The following MYO18B variants were observed in gnomAD, a reference collection of about 807,000 sequenced individuals.
MYO18B encodes unconventional myosin-XVIIIb.
In MYO18B, 204 loss-of-function variants were observed where a neutral mutation model predicts 273.0. That is an observed-to-expected ratio of 0.75 (90% CI 0.67 to 0.84). The LOEUF is 0.84. Among genes scored for constraint, MYO18B ranks in the 40% least tolerant of loss-of-function variants. MYO18B has a pLI of 0.00. For synonymous variants in MYO18B, 1,330 were observed against 1,305.7 expected (o/e 1.02, Z -0.40); for missense variants, 3,212 against 3,287.6 (o/e 0.98, Z 0.56).
At chr22:26,050,040 A>G in the MYO18B span, among the ~76,000 whole-genome samples, 1 of 152,232 alleles carries the variant, frequency 6.6e-6, no homozygotes, top group East Asian at 1.9e-4. Context: ...CTTACAAGCA[A>G]TGCCCTCAGA....
intron 39 of MYO18B, among the ~76,000 whole-genome samples, chr22:25,981,567 C>T (rs1332790693): frequency 6.6e-6 from 1 of 152,104 alleles, no homozygotes; most frequent in Non-Finnish European, 1.5e-5. Context: ...CAGTAAGACC[C>T]CATCTCTACA....
intron 42 of MYO18B, among the ~76,000 whole-genome samples, chr22:26,006,776 A>G (rs1934456645): frequency 6.6e-6 from 1 of 152,180 alleles, no homozygotes; most frequent in Admixed American, 6.5e-5. Flanking sequence ...GTGATGCACA[A>G]GCCACTCTTT....
chr22:25,758,317 GTT>G (rs133870), intron 1 of MYO18B, among the ~76,000 whole-genome samples: 9 of 140,962 alleles, frequency 6.4e-5, no homozygotes, highest in Admixed American at 7.1e-5. Flanking sequence ...TGGCAGGAAA[GTT>G]TTTTTTTTTT....
At chr22:25,944,741 A>C (rs1204448604) in intron 34 of MYO18B, among the ~76,000 whole-genome samples, 1 of 151,650 alleles carries the variant, frequency 6.6e-6, no homozygotes, top group Admixed American at 6.6e-5. Flanking sequence ...CAGCTACTCC[A>C]GAGGCTGAGG....
chr22:25,928,265 G>C (rs1051886357), intron 34 of MYO18B, among the ~76,000 whole-genome samples: 1 of 152,046 alleles, frequency 6.6e-6, no homozygotes. Flanking sequence ...TGGCCAGAAC[G>C]GCTTGTAAAA....
At chr22:25,853,666 T>C (rs1303858134) in intron 21 of MYO18B, among the ~76,000 whole-genome samples, 1 of 152,030 alleles carries the variant, frequency 6.6e-6, no homozygotes, top group Non-Finnish European at 1.5e-5. Context: ...GTGGGGGAGT[T>C]TTTTTGTGGA....
chr22:25,924,510 C>T (rs949167944), intron 34 of MYO18B, among the ~76,000 whole-genome samples: 1 of 152,104 alleles, frequency 6.6e-6, no homozygotes, highest in Non-Finnish European at 1.5e-5. Flanking sequence ...TCATCCCACA[C>T]CTTAATTTGA....
chr22:25,994,044 G>A (rs1047394131), intron 40 of MYO18B, among the ~76,000 whole-genome samples: 3 of 152,140 alleles, frequency 2.0e-5, no homozygotes, highest in African/African-American at 7.2e-5. Context: ...ATTTTAGAAT[G>A]CGCATAACCT....
At chr22:25,859,209 T>A (rs1006955278) in intron 21 of MYO18B, among the ~76,000 whole-genome samples, 2 of 150,164 alleles carry the variant, frequency 1.3e-5, no homozygotes, top group African/African-American at 4.8e-5. Flanking sequence ...CTCAAATAAT[T>A]GTTAAGATAA....
chr22:25,918,015 ACCC>A (rs2092288614), intron 33 of MYO18B, among the ~76,000 whole-genome samples: 1 of 152,224 alleles, frequency 6.6e-6, no homozygotes, highest in African/African-American at 2.4e-5. Flanking sequence ...GCAAGTTAGT[ACCC>A]TAGGCGGATT....
At chr22:25,961,106 C>T (rs2092913638) in intron 39 of MYO18B, among the ~76,000 whole-genome samples, 1 of 151,704 alleles carries the variant, frequency 6.6e-6, no homozygotes, top group African/African-American at 2.4e-5. Flanking sequence ...ACCTGTAGAC[C>T]CAGCTACTCA....
chr22:26,062,076 G>C, the MYO18B span, among the ~76,000 whole-genome samples: 1 of 152,168 alleles, frequency 6.6e-6, no homozygotes, highest in African/African-American at 2.4e-5. Flanking sequence ...ATGGGGCTTA[G>C]GATCCATGAA....
the MYO18B span, among the ~76,000 whole-genome samples, chr22:26,056,927 C>T: frequency 9.7e-4 from 147 of 152,176 alleles, no homozygotes; most frequent in Non-Finnish European, 1.8e-3. Flanking sequence ...GTAATTGGCC[C>T]GACAGGGGAC....
chr22:25,950,445 G>C lies in MYO18B; in HGVS notation c.5827G>C (p.Glu1943Gln). The change falls in exon 37 of 44, where the codon GAA (glutamate) becomes CAA (glutamine). Residue 1943 changes from glutamate to glutamine, a missense_variant. Coordinates refer to ENST00000335473, the MANE Select transcript of MYO18B (RefSeq NM_032608.7). ...EAKKEKHKLQ[E>Q]QLQVAQMRIE... ...CAAGAAGGAGAAGCACAAGCTACAA[G>C]AACAAGTATGTGCTCAGAGCCATCC... The C allele has an allele frequency of 6.2e-7, 1 of 1,600,950 alleles. No individual in the cohort carries two copies. The highest frequency in any genetic ancestry group is 8.5e-7 in the Non-Finnish European group (1 of 1,173,666).
Position 25,781,801 on chromosome 22 carries a change from C to G in MYO18B, c.2279C>G (p.Ser760Cys). Residue 760 changes from serine to cysteine, a missense_variant, in exon 10 of 44, where the codon TCC (serine) becomes TGC (cysteine). Physicochemically the swap from Ser to Cys is moderately radical, Grantham distance 112. Coordinates refer to ENST00000335473, the MANE Select transcript of MYO18B (RefSeq NM_032608.7). ...PEGESNFLVF[S>C]QMLAGLDLDL... ...GGGGAAAGTAACTTCCTGGTTTTCTCCCAGATGCTGGCTGGATTGGACTTG... is the reference window on the plus strand; with the variant it reads ...GGGGAAAGTAACTTCCTGGTTTTCTGCCAGATGCTGGCTGGATTGGACTTG... 1 of 1,593,610 alleles carries G rather than the reference C, an allele frequency of 6.3e-7. No homozygotes were observed. The highest frequency in any genetic ancestry group is 1.2e-5 in the South Asian group (1 of 86,822).
chr22:25,977,708 C>G lies in MYO18B; in HGVS notation c.6157-14655C>G, dbSNP rs2093106874. Among the ~76,000 whole-genome samples, 6 of 152,178 alleles carry G rather than the reference C, an allele frequency of 3.9e-5. 1 individual carries two copies. Among genetic ancestry groups the G allele is most frequent in the Non-Finnish European group, 7.3e-5 (5 of 68,036 alleles). On this transcript the variant is annotated intron_variant, in intron 39 of 43. Coordinates refer to ENST00000335473, the MANE Select transcript of MYO18B (RefSeq NM_032608.7). The stretch of plus-strand genomic sequence containing the variant: ...GGAGACCCCCCAGGTTGGCATATTG[C>G]ACAAGCTGTCACTCAATAGTTCTAA...
chr22:26,061,128 C>T, the MYO18B span, among the ~76,000 whole-genome samples: 3 of 152,224 alleles, frequency 2.0e-5, no homozygotes, highest in African/African-American at 7.2e-5. Flanking sequence ...GAGCCCCAGA[C>T]CCTGGACTCC....
intron 42 of MYO18B, among the ~76,000 whole-genome samples, chr22:26,020,897 T>C (rs12160610): frequency 0.069 from 10,526 of 152,218 alleles, 528 homozygotes; most frequent in Admixed American, 0.17. Flanking sequence ...GAGACCATCC[T>C]GACCAACATG....
rs899578629 is a variant in MYO18B, at chr22:25,958,406, G to A, written c.6156+3042G>A. On this transcript the variant is annotated intron_variant, in intron 39 of 43. Coordinates refer to ENST00000335473, the MANE Select transcript of MYO18B (RefSeq NM_032608.7). ...AGAACAAAGCTCCACGAATAAGGTC[G>A]GGCCAGCAGCCTCTTCCAAATACTG... 1.1e-4 allele frequency among the ~76,000 whole-genome samples: 17 copies of A among 152,214 alleles called. No homozygotes were observed. The East Asian group carries it at 1.6e-3, about 14-fold the overall frequency.
Sources: allele counts gnomAD v4.1 joint callset (sites outside exome capture counted in the v4.1 genomes callset), GRCh38; gene constraint gnomAD v4.1.1; transcripts MANE v1.5; gene names NCBI Gene and HGNC (gene_info 2026-07-23, HGNC 2026-07-21).